Variants in GMDS observed in about 807,000 individuals in gnomAD.
The protein encoded by GMDS is GDP-mannose 4,6 dehydratase.
Under a neutral mutation model 49.9 loss-of-function variants are expected in GMDS, and 20 were observed. That is an observed-to-expected ratio of 0.40 (90% CI 0.28 to 0.58). The LOEUF (loss-of-function observed/expected upper bound fraction) is 0.58. Among genes scored for constraint, GMDS ranks in the 20% least tolerant of loss-of-function variants. The pLI is 0.42. For synonymous variants in GMDS, 177 were observed against 178.6 expected (o/e 0.99, Z 0.07); for missense variants, 362 against 481.4 (o/e 0.75, Z 2.32).
chr6:1,739,314 G>A (rs1767165346), intron 8 of GMDS, among the ~76,000 whole-genome samples: 1 of 152,220 alleles, frequency 6.6e-6, no homozygotes, highest in Non-Finnish European at 1.5e-5. Flanking sequence ...GTGCAATAGT[G>A]CCCCAGCCCT....
At chr6:1,664,797 T>G (rs1351877890) in intron 9 of GMDS, among the ~76,000 whole-genome samples, 1 of 152,192 alleles carries the variant, frequency 6.6e-6, no homozygotes, top group East Asian at 1.9e-4. Context: ...GCTTCACATG[T>G]GGGTAGAGAT....
chr6:1,667,942 T>A (rs1410796470), intron 9 of GMDS, among the ~76,000 whole-genome samples: 1 of 152,198 alleles, frequency 6.6e-6, no homozygotes, highest in Admixed American at 6.5e-5. Context: ...ACATTTCAGA[T>A]AATAAGATCA....
chr6:1,719,443 A>G (rs1281234053), intron 9 of GMDS, among the ~76,000 whole-genome samples: 1 of 152,204 alleles, frequency 6.6e-6, no homozygotes, highest in African/African-American at 2.4e-5. Context: ...AGGTGCTGGG[A>G]AAACAATCAA....
chr6:1,802,244 T>C (rs1581198328), intron 7 of GMDS, among the ~76,000 whole-genome samples: 1 of 152,214 alleles, frequency 6.6e-6, no homozygotes, highest in African/African-American at 2.4e-5. Flanking sequence ...TCCTAATGAA[T>C]GTACAATTTT....
At chr6:2,116,787 G>T (rs983835179) in intron 3 of GMDS, among the ~76,000 whole-genome samples, 3 of 152,166 alleles carry the variant, frequency 2.0e-5, no homozygotes, top group Non-Finnish European at 2.9e-5. Flanking sequence ...TAAAATCCCT[G>T]TGTCCTGGTG....
At chr6:1,796,636 A>G (rs949347192) in intron 7 of GMDS, among the ~76,000 whole-genome samples, 1 of 152,214 alleles carries the variant, frequency 6.6e-6, no homozygotes, top group Non-Finnish European at 1.5e-5. Context: ...GAACTTCTAC[A>G]TACACTTGCT....
chr6:2,015,911 T>G (rs1053294634), intron 4 of GMDS, among the ~76,000 whole-genome samples: 3 of 151,966 alleles, frequency 2.0e-5, no homozygotes, highest in Middle Eastern at 3.2e-3. Flanking sequence ...AACCTCAGTT[T>G]ATGGTTTTTT....
intron 7 of GMDS, among the ~76,000 whole-genome samples, chr6:1,763,820 T>C (rs1317220395): frequency 6.6e-6 from 1 of 152,172 alleles, no homozygotes; most frequent in Admixed American, 6.5e-5. Context: ...CTAGGACCAC[T>C]AGTGAAAGTA....
At chr6:1,641,218 G>T (rs1311921063) in intron 9 of GMDS, among the ~76,000 whole-genome samples, 1 of 152,198 alleles carries the variant, frequency 6.6e-6, no homozygotes, top group Non-Finnish European at 1.5e-5. Flanking sequence ...CTGGGGCTCA[G>T]TGAGGTCCTC....
At chr6:1,966,160 A>ATT (rs1764245666) in intron 4 of GMDS, among the ~76,000 whole-genome samples, 1 of 152,124 alleles carries the variant, frequency 6.6e-6, no homozygotes, top group Admixed American at 6.5e-5. Flanking sequence ...CCCCAAAACT[A>ATT]AACCATAGTT....
chr6:1,725,709 G>C (rs935443726), intron 9 of GMDS, among the ~76,000 whole-genome samples: 1 of 152,320 alleles, frequency 6.6e-6, no homozygotes, highest in Middle Eastern at 3.4e-3. Flanking sequence ...TGGGATTATA[G>C]GCATGAGCCA....
At chr6:1,904,534 A>C (rs1255192147) in intron 7 of GMDS, among the ~76,000 whole-genome samples, 1 of 152,262 alleles carries the variant, frequency 6.6e-6, no homozygotes, top group African/African-American at 2.4e-5. Flanking sequence ...CAAAAGGGTC[A>C]GTCCATTTAA....
chr6:2,149,679 AG>A (rs1562099331), intron 1 of GMDS, among the ~76,000 whole-genome samples: 2 of 152,366 alleles, frequency 1.3e-5, no homozygotes, highest in East Asian at 3.9e-4. Context: ...ATTTACAAAG[AG>A]GGCTTTAAAA....
At chr6:2,140,261 G>A (rs990395917) in intron 1 of GMDS, among the ~76,000 whole-genome samples, 4 of 152,004 alleles carry the variant, frequency 2.6e-5, no homozygotes, top group African/African-American at 9.7e-5. Context: ...GTCAGAAGAC[G>A]AGGCCACGAG....
chr6:2,105,912 T>G (rs1774216815), intron 4 of GMDS, among the ~76,000 whole-genome samples: 1 of 152,196 alleles, frequency 6.6e-6, no homozygotes, highest in Admixed American at 6.5e-5. Flanking sequence ...TTATCAACAC[T>G]AGAACCGTAC....
chr6:1,714,815 G>A (rs1561751777), intron 9 of GMDS, among the ~76,000 whole-genome samples: 1 of 152,262 alleles, frequency 6.6e-6, no homozygotes, highest in Non-Finnish European at 1.5e-5. Flanking sequence ...AAGACTTCAA[G>A]ATACTATGAG....
At chr6:1,866,560 T>C (rs139154992) in intron 7 of GMDS, among the ~76,000 whole-genome samples, 13 of 152,346 alleles carry the variant, frequency 8.5e-5, no homozygotes, top group Admixed American at 2.6e-4. Context: ...TGGGCCACTC[T>C]GAATTGTTTC....
intron 9 of GMDS, among the ~76,000 whole-genome samples, chr6:1,683,905 G>A (rs959825506): frequency 5.9e-5 from 9 of 151,916 alleles, no homozygotes; most frequent in African/African-American, 1.9e-4. Flanking sequence ...AAAGAGGGTG[G>A]GTTTTGCGAT....
chr6:1,837,089 A>G (rs1380561876), intron 7 of GMDS, among the ~76,000 whole-genome samples: 1 of 152,252 alleles, frequency 6.6e-6, no homozygotes, highest in Non-Finnish European at 1.5e-5. Flanking sequence ...ATGTCACTGT[A>G]AGTCTTTAAA....
Sources: allele counts gnomAD v4.1 joint callset (sites outside exome capture counted in the v4.1 genomes callset), GRCh38; gene constraint gnomAD v4.1.1; transcripts MANE v1.5; gene names NCBI Gene and HGNC (gene_info 2026-07-23, HGNC 2026-07-21).